Variants in CPOX observed in about 807,000 individuals in gnomAD.
CPOX encodes the protein coproporphyrinogen oxidase.
CPOX carries 24 observed loss-of-function variants against 48.9 expected under a neutral mutation model. That is an observed-to-expected ratio of 0.49 (90% CI 0.36 to 0.69). The LOEUF (loss-of-function observed/expected upper bound fraction) is 0.69. Ranked by LOEUF, CPOX falls within the 30% of genes least tolerant of loss-of-function variation. The pLI is 0.00. For missense variants in CPOX, 549 were observed against 597.3 expected, an observed-to-expected ratio of 0.92 and a Z score of 0.84; for synonymous variants, 249 against 234.6, an observed-to-expected ratio of 1.06 and a Z score of -0.56.
the CPOX span, among the ~76,000 whole-genome samples, chr3:98,572,753 G>T: frequency 6.6e-6 from 1 of 152,230 alleles, no homozygotes; most frequent in South Asian, 2.1e-4. Context: ...CCGGCCAGAG[G>T]TAAGAAGCCA....
chr3:98,589,066 T>A (rs1707423917), intron 3 of CPOX, among the ~76,000 whole-genome samples: 1 of 152,186 alleles, frequency 6.6e-6, no homozygotes, highest in Non-Finnish European at 1.5e-5. Flanking sequence ...ATGCCTGTAA[T>A]CCCAGCACTT....
At position 98,593,090 on chromosome 3, in the gene CPOX, C is replaced by T; in HGVS notation, c.415G>A (p.Gly139Ser). The T allele has an allele frequency of 6.2e-7, 1 of 1,613,972 alleles. No homozygotes were observed. Residue 139 changes from glycine (G) to serine (S), a missense_variant, in exon 1 of 7, where the codon GGC becomes AGC. By Grantham distance (56) the Gly-to-Ser change is moderately conservative. Coordinates refer to ENST00000647941, the MANE Select transcript of CPOX (RefSeq NM_000097.7). The part of the protein sequence containing the change: ...SFMAPPVTDL[G>S]ELRRRPGDMK... ...TCGCCCGGCCTCCTTCGCAGCTCGC[C>T]CAGGTCGGTCACAGGCGGGGCCATG...
chr3:98,586,390 C>T (rs1475579685), intron 4 of CPOX, among the ~76,000 whole-genome samples: 2 of 152,152 alleles, frequency 1.3e-5, no homozygotes, highest in Non-Finnish European at 2.9e-5. Flanking sequence ...CAAATCCAAG[C>T]TCTCTTGAGT....
At chr3:98,592,460 G>C (rs947538661) in intron 1 of CPOX, among the ~76,000 whole-genome samples, 21 of 152,132 alleles carry the variant, frequency 1.4e-4, no homozygotes, top group African/African-American at 4.8e-4. Flanking sequence ...TTGTGTAACA[G>C]TAAAAAGAAG....
intron 3 of CPOX, 72 bp downstream of exon 3, chr3:98,590,560 T>G: frequency 9.5e-7 from 1 of 1,054,328 alleles, no homozygotes; most frequent in Non-Finnish European, 1.5e-6. Flanking sequence ...CTTTTAGATG[T>G]TATGCCCTCT....
chr3:98,588,686 T>TGAA, intron 4 of CPOX, 27 bp downstream of exon 4: 2 of 1,613,662 alleles, frequency 1.2e-6, no homozygotes, highest in Non-Finnish European at 1.7e-6. Flanking sequence ...AATTTTGGGG[T>TGAA]CATGAAAGTT....
At chr3:98,588,168 A>C (rs1232931114) in intron 4 of CPOX, among the ~76,000 whole-genome samples, 1 of 152,238 alleles carries the variant, frequency 6.6e-6, no homozygotes, top group African/African-American at 2.4e-5. Flanking sequence ...CTCATATTCC[A>C]AACAATTTGT....
At chr3:98,583,834 T>C (rs1449153748) in intron 5 of CPOX, among the ~76,000 whole-genome samples, 1 of 152,150 alleles carries the variant, frequency 6.6e-6, no homozygotes, top group African/African-American at 2.4e-5. Context: ...CCAAAGACAG[T>C]GTTGATAGCC....
downstream of CPOX, among the ~76,000 whole-genome samples, chr3:98,575,911 A>C (rs2107105419): frequency 6.6e-6 from 1 of 151,922 alleles, no homozygotes; most frequent in South Asian, 2.1e-4. Flanking sequence ...CTACTAAATA[A>C]ATACAAAAAA....
chr3:98,590,506 T>C, intron 3 of CPOX, 126 bp downstream of exon 3: 1 of 753,996 alleles, frequency 1.3e-6, no homozygotes, highest in South Asian at 1.5e-5. Context: ...GAAATTGCCT[T>C]TACATTGCCT....
intron 4 of CPOX, among the ~76,000 whole-genome samples, chr3:98,586,494 G>A (rs1348062430): frequency 6.6e-6 from 1 of 152,072 alleles, no homozygotes; most frequent in Non-Finnish European, 1.5e-5. Flanking sequence ...GAAAGACAGG[G>A]AAAAGTTGGT....
intron 5 of CPOX, among the ~76,000 whole-genome samples, chr3:98,582,482 A>G (rs746133012): frequency 1.2e-4 from 18 of 151,518 alleles, no homozygotes; most frequent in Non-Finnish European, 2.2e-4. Context: ...TTCCCACAAT[A>G]ATTTTTTTTT....
At chr3:98,590,940 T>G in intron 2 of CPOX, 72 bp downstream of exon 2, 1 of 1,557,124 alleles carries the variant, frequency 6.4e-7, no homozygotes, top group East Asian at 2.3e-5. Context: ...AATATTTATT[T>G]TATAAATAAA....
At chr3:98,572,334 A>G in the CPOX span, among the ~76,000 whole-genome samples, 3 of 151,266 alleles carry the variant, frequency 2.0e-5, no homozygotes, top group Admixed American at 6.6e-5. Flanking sequence ...GAGTATCATA[A>G]CTCCTTCATT....
chr3:98,586,823 A>C (rs1707373352), intron 4 of CPOX, among the ~76,000 whole-genome samples: 1 of 152,212 alleles, frequency 6.6e-6, no homozygotes. Context: ...GGGCACCTGT[A>C]GTCCCAGCTA....
Position 98,593,259 on chromosome 3 carries a change from C to G in CPOX, c.246G>C (p.Leu82=). The G allele has an allele frequency of 6.6e-7, 1 of 1,517,128 alleles. No homozygotes were observed. Among genetic ancestry groups the G allele is most frequent in the East Asian group, 2.3e-5 (1 of 42,768 alleles). 94.0% of individuals were successfully genotyped at this position (1,517,128 alleles called of 1,614,324 possible). Residue 82 remains leucine, a synonymous_variant, in exon 1 of 7, where the codon CTG becomes CTC. Coordinates refer to ENST00000647941, the MANE Select transcript of CPOX (RefSeq NM_000097.7). The stretch of plus-strand genomic sequence containing the variant: ...CGGTGGCCAGCCCCACCAACCCCGC[C>G]AGCGCCGCGGCCAGCCCTGTCCCCA... ...PWVGTGLAAA[L]AGLVGLATAA...
intron 4 of CPOX, among the ~76,000 whole-genome samples, chr3:98,586,059 A>G (rs1304065004): frequency 6.6e-6 from 1 of 151,906 alleles, no homozygotes; most frequent in African/African-American, 2.4e-5. Context: ...TTTATAGTAG[A>G]GACGGGGTTT....
At chr3:98,578,073 C>A (rs1046477283), downstream of CPOX, among the ~76,000 whole-genome samples, 1 of 152,174 alleles carries the variant, frequency 6.6e-6, no homozygotes, top group Non-Finnish European at 1.5e-5. Flanking sequence ...TTACCATGAA[C>A]CTGCATGCAT....
At chr3:98,580,979 T>C (rs1281586889) in intron 6 of CPOX, among the ~76,000 whole-genome samples, 5 of 152,154 alleles carry the variant, frequency 3.3e-5, no homozygotes, top group African/African-American at 1.2e-4. Flanking sequence ...AACTCTTGGG[T>C]ATGCTTTGGC....
Sources: gnomAD v4.1 joint callset for allele counts (sites outside exome capture counted in the v4.1 genomes callset) on GRCh38, gnomAD v4.1.1 for gene constraint, MANE v1.5 for transcripts, NCBI Gene and HGNC (gene_info 2026-07-23, HGNC 2026-07-21) for gene names.